The following TDRD5 variants were observed in gnomAD, a reference collection of about 807,000 sequenced individuals.
TDRD5 encodes tudor domain-containing protein 5.
TDRD5 carries 41 observed loss-of-function variants against 120.6 expected under a neutral mutation model. That is an observed-to-expected ratio of 0.34 (90% confidence interval 0.26 to 0.44). TDRD5 has a LOEUF of 0.44. Ranked by LOEUF, TDRD5 falls within the 20% of genes least tolerant of loss-of-function variation. The pLI, the probability that TDRD5 is intolerant of heterozygous loss-of-function variation, is 1.00. For synonymous variants in TDRD5, 430 were observed against 433.7 expected, an observed-to-expected ratio of 0.99 and a Z score of 0.11; for missense variants, 1,006 against 1,221.2, an observed-to-expected ratio of 0.82 and a Z score of 2.63.
chr1:179,611,207 T>A (rs1367157455), intron 4 of TDRD5, among the ~76,000 whole-genome samples: 2 of 151,968 alleles, frequency 1.3e-5, no homozygotes, highest in Admixed American at 6.6e-5. Flanking sequence ...GTTGCCACCA[T>A]ACTTGGCTAA....
intron 14 of TDRD5, among the ~76,000 whole-genome samples, chr1:179,659,921 C>A (rs1679209671): frequency 6.6e-6 from 1 of 151,996 alleles, no homozygotes; most frequent in Non-Finnish European, 1.5e-5. Context: ...GTCTTGAACT[C>A]CCGACCTCAG....
intron 9 of TDRD5, among the ~76,000 whole-genome samples, chr1:179,639,379 G>A (rs1340554015): frequency 1.3e-5 from 2 of 152,038 alleles, no homozygotes; most frequent in East Asian, 3.9e-4. Flanking sequence ...AGGCAATACA[G>A]AGCCAATAAA....
chr1:179,690,017 C>T (rs1238922783), intron 17 of TDRD5, among the ~76,000 whole-genome samples: 1 of 152,194 alleles, frequency 6.6e-6, no homozygotes, highest in Non-Finnish European at 1.5e-5. Context: ...GAGGCGATGC[C>T]TCACCCTGCT....
chr1:179,609,761 G>T (rs1239324521), intron 4 of TDRD5, among the ~76,000 whole-genome samples: 1 of 152,224 alleles, frequency 6.6e-6, no homozygotes, highest in South Asian at 2.1e-4. Context: ...TTGGAGTATT[G>T]TTCAGCCTGT....
chr1:179,686,963 A>G (rs1482802276), intron 17 of TDRD5, among the ~76,000 whole-genome samples: 1 of 151,794 alleles, frequency 6.6e-6, no homozygotes, highest in Non-Finnish European at 1.5e-5. Flanking sequence ...CTAGTGTTCT[A>G]TCTCCTTTGT....
chr1:179,689,539 T>C (rs1307898541), intron 17 of TDRD5, among the ~76,000 whole-genome samples: 1 of 152,128 alleles, frequency 6.6e-6, no homozygotes, highest in African/African-American at 2.4e-5. Flanking sequence ...GTTCTCAGAT[T>C]TCAAACTCCA....
intron 11 of TDRD5, among the ~76,000 whole-genome samples, chr1:179,641,299 G>A (rs978692992): frequency 1.4e-4 from 22 of 152,248 alleles, no homozygotes; most frequent in African/African-American, 5.1e-4. Context: ...GGAAGCCAAG[G>A]CGGGCGGATC....
At chr1:179,670,543 C>T (rs970714705) in intron 17 of TDRD5, among the ~76,000 whole-genome samples, 1 of 152,156 alleles carries the variant, frequency 6.6e-6, no homozygotes, top group African/African-American at 2.4e-5. Flanking sequence ...ATAAAAGTTC[C>T]AAGCACTCCA....
intron 17 of TDRD5, among the ~76,000 whole-genome samples, chr1:179,682,447 A>G (rs1680475273): frequency 6.6e-6 from 1 of 151,828 alleles, no homozygotes; most frequent in Non-Finnish European, 1.5e-5. Flanking sequence ...CTCTGTGCCC[A>G]TGTTCTTATT....
At chr1:179,613,209 A>G (rs1027285813) in intron 4 of TDRD5, among the ~76,000 whole-genome samples, 1 of 152,164 alleles carries the variant, frequency 6.6e-6, no homozygotes, top group Non-Finnish European at 1.5e-5. Context: ...TTCACCTGAT[A>G]ACCTGACTCA....
chr1:179,669,435 A>G (rs1679740913), intron 17 of TDRD5, 31 bp downstream of exon 17: 2 of 1,610,644 alleles, frequency 1.2e-6, no homozygotes, highest in African/African-American at 2.7e-5. Flanking sequence ...GCATGCTCAC[A>G]GTTGACAAAC....
At chr1:179,656,938 A>C (rs551054441) in intron 14 of TDRD5, among the ~76,000 whole-genome samples, 1 of 152,304 alleles carries the variant, frequency 6.6e-6, no homozygotes, top group Non-Finnish European at 1.5e-5. Flanking sequence ...CTGTAATCCC[A>C]GCTACTTAGG....
At chr1:179,649,242 G>A (rs1266447654) in intron 11 of TDRD5, among the ~76,000 whole-genome samples, 1 of 151,758 alleles carries the variant, frequency 6.6e-6, no homozygotes, top group Non-Finnish European at 1.5e-5. Context: ...CTTCTTTTGT[G>A]TTTGTTACTT....
At chr1:179,665,314 T>C (rs1679506150) in intron 16 of TDRD5, among the ~76,000 whole-genome samples, 1 of 152,150 alleles carries the variant, frequency 6.6e-6, no homozygotes, top group Non-Finnish European at 1.5e-5. Context: ...TAATAAGCCA[T>C]TGTCTGACCA....
chr1:179,618,469 C>A (rs1004960693), intron 4 of TDRD5, 130 bp from the exon 5 acceptor site: 2 of 529,464 alleles, frequency 3.8e-6, no homozygotes, highest in Non-Finnish European at 6.6e-6. Flanking sequence ...CTCTTAAGAA[C>A]AGTATTTTGT....
At chr1:179,596,012 A>T (rs1199991185) in intron 4 of TDRD5, among the ~76,000 whole-genome samples, 194 bp downstream of exon 4, 1 of 152,180 alleles carries the variant, frequency 6.6e-6, no homozygotes, top group Non-Finnish European at 1.5e-5. Flanking sequence ...GTACAATTTT[A>T]TCAACTCCAC....
intron 17 of TDRD5, among the ~76,000 whole-genome samples, chr1:179,688,458 C>T (rs1680882004): frequency 6.6e-6 from 1 of 152,198 alleles, no homozygotes; most frequent in Non-Finnish European, 1.5e-5. Flanking sequence ...CCTGACCTTT[C>T]TCTCTGGCTG....
chr1:179,601,153 A>C (rs1675687149), intron 4 of TDRD5, among the ~76,000 whole-genome samples: 1 of 152,132 alleles, frequency 6.6e-6, no homozygotes, highest in South Asian at 2.1e-4. Context: ...TTTTTAATGA[A>C]CTACTGAGGG....
intron 17 of TDRD5, among the ~76,000 whole-genome samples, chr1:179,685,315 T>G (rs953996910): frequency 2.6e-5 from 4 of 151,892 alleles, no homozygotes; most frequent in African/African-American, 9.7e-5. Flanking sequence ...TTTCCCCATT[T>G]CTTGTTTGTG....
Sources: gnomAD v4.1 joint callset for allele counts (sites outside exome capture counted in the v4.1 genomes callset) on GRCh38, gnomAD v4.1.1 for gene constraint, MANE v1.5 for transcripts, NCBI Gene and HGNC (gene_info 2026-07-23, HGNC 2026-07-21) for gene names.